PGLYRP3: variants seen among roughly 807,000 people sequenced by gnomAD.
The protein encoded by PGLYRP3 is peptidoglycan recognition protein I alpha.
PGLYRP3 carries 39 observed loss-of-function variants against 36.0 expected under a neutral mutation model. The observed-to-expected ratio is 1.08, with a 90% CI of 0.84 to 1.41. PGLYRP3 has a LOEUF of 1.41. Among genes scored for constraint, PGLYRP3 ranks in the 40% most tolerant of loss-of-function variants. The pLI is 0.00. For synonymous variants in PGLYRP3, 204 were observed against 172.8 expected (o/e 1.18, Z -1.42); for missense variants, 407 against 427.9 (o/e 0.95, Z 0.43).
At chr1:153,307,412 C>T (rs1318555316) in intron 2 of PGLYRP3, 145 bp from the exon 3 acceptor site, 2 of 721,136 alleles carry the variant, frequency 2.8e-6, no homozygotes, top group African/African-American at 3.5e-5. Context: ...ACCACCAAAG[C>T]CCCCTCCTTC....
chr1:153,311,237 G>A (rs763670559), intron 1 of PGLYRP3, among the ~76,000 whole-genome samples: 1 of 152,056 alleles, frequency 6.6e-6, no homozygotes, highest in African/African-American at 2.4e-5. Context: ...ACAGTTGTTC[G>A]ACTAACCTCT....
Position 153,303,949 on chromosome 1 carries a change from T to C in PGLYRP3, c.437A>G (p.Gln146Arg). The C allele has an allele frequency of 6.2e-7, 1 of 1,614,110 alleles. No homozygotes were observed. The highest frequency in any genetic ancestry group is 8.5e-7 in the Non-Finnish European group (1 of 1,179,978). The change falls in exon 5 of 8, where the codon CAG (glutamine) becomes CGG (arginine). Residue 146 changes from glutamine to arginine, a missense_variant. Coordinates refer to ENST00000683862, the MANE Select transcript of PGLYRP3 (RefSeq NM_052891.3). ...ATACCTGGGCGACAGGTGACCCTTC[T>C]GGATGGCATAGGAGATCAGACCCTC... ...AAEGLISYAI[Q>R]KGHLSPRYIQ... is the part of the protein sequence containing the mutation.
In PGLYRP3 at chr1:153,297,835, A is replaced by G; in HGVS notation, c.*121T>C. ...GGCAGGAAAGGACATGACCATTCAA[A>G]CCTGAGAAAGGATGGGCTGGCAGGG... On this transcript the variant is annotated 3_prime_UTR_variant, in exon 8 of 8. Coordinates refer to ENST00000683862, the MANE Select transcript of PGLYRP3 (RefSeq NM_052891.3). 3.4e-6 allele frequency: 4 copies of G among 1,176,946 alleles called. No homozygotes were observed. The highest frequency in any genetic ancestry group is 4.8e-6 in the Non-Finnish European group (4 of 826,168). The allele number at this position is 1,176,946 out of a possible 1,614,324, so 72.9% of individuals were successfully genotyped here.
At chr1:153,302,386 C>A (rs201356956) in intron 6 of PGLYRP3, 23 bp downstream of exon 6, 1,257 of 1,611,314 alleles carry the variant, frequency 7.8e-4, no homozygotes, top group Admixed American at 1.1e-3. Flanking sequence ...AAAGAGGGTT[C>A]TTTTGGCATT....
chr1:153,298,571 A>T (rs1320430883), intron 7 of PGLYRP3, among the ~76,000 whole-genome samples: 1 of 152,142 alleles, frequency 6.6e-6, no homozygotes, highest in Admixed American at 6.5e-5. Flanking sequence ...TGAACCCGGG[A>T]AGTGGAGCTT....
At chr1:153,306,330 A>G (rs929252869) in intron 3 of PGLYRP3, among the ~76,000 whole-genome samples, 2 of 152,070 alleles carry the variant, frequency 1.3e-5, no homozygotes, top group Non-Finnish European at 2.9e-5. Context: ...CTCCTTCTAC[A>G]TGTGTCTCCT....
chr1:153,304,225 G>C (rs900733925), intron 4 of PGLYRP3, among the ~76,000 whole-genome samples: 1 of 152,192 alleles, frequency 6.6e-6, no homozygotes, highest in African/African-American at 2.4e-5. Flanking sequence ...GCCAAGCTAA[G>C]ACTTTATCCA....
At position 153,305,025 on chromosome 1, in the gene PGLYRP3, C is replaced by T. The variant is rs999192660; in HGVS notation, c.298G>A (p.Gly100Ser). The stretch of plus-strand genomic sequence containing the variant: ...GTGTGCAAGCCTTGGATGTTCCAGC[C>T]AACACCTTCATACACCCTGCCATCA... ...GDDGRVYEGV[G>S]WNIQGLHTQG... Residue 100 changes from glycine (G) to serine (S), a missense_variant, in exon 4 of 8, where the codon GGC becomes AGC. Coordinates refer to ENST00000683862, the MANE Select transcript of PGLYRP3 (RefSeq NM_052891.3). The T allele has an allele frequency of 1.2e-6, 2 of 1,613,774 alleles. No individual in the cohort carries two copies. Among genetic ancestry groups the T allele is most frequent in the Non-Finnish European group, 1.7e-6 (2 of 1,179,844 alleles).
rs111260082 is a variant in PGLYRP3, at chr1:153,301,026, G to A, written c.728+1383C>T. 7.2e-5 allele frequency among the ~76,000 whole-genome samples: 11 copies of A among 152,250 alleles called. No homozygotes were observed. The South Asian group carries it at 1.7e-3, about 23-fold the overall frequency. On this transcript the variant is annotated intron_variant, in intron 6 of 7. Transcript: ENST00000683862. ...AACTACTAGGCTCAAGCGATCCTCC[G>A]TTTCAGCCTTCCAAGTAGTTGGGAC...
chr1:153,310,754 G>T, intron 1 of PGLYRP3, 48 bp from the exon 2 acceptor site: 2 of 1,187,990 alleles, frequency 1.7e-6, no homozygotes, highest in Non-Finnish European at 1.2e-6. Context: ...CTCTGCAAGT[G>T]GAGCACCCAC....
chr1:153,298,270 C>T lies in PGLYRP3; in HGVS notation c.848-136G>A, dbSNP rs561179238. 71 of 974,560 alleles carry T rather than the reference C, an allele frequency of 7.3e-5. No individual in the cohort carries two copies. The South Asian group carries it at 8.4e-4, about 12-fold the overall frequency. 60.4% of individuals were successfully genotyped at this position (974,560 alleles called of 1,614,324 possible). On this transcript the variant is annotated intron_variant, in intron 7 of 7. Coordinates refer to ENST00000683862, the MANE Select transcript of PGLYRP3 (RefSeq NM_052891.3). ...GCCATCACCATAGCCAACACATTTA[C>T]GTAAATTGTGGCAATCAGGCACAAA... is the stretch of plus-strand genomic sequence containing the variant.
chr1:153,302,319 G>A, intron 6 of PGLYRP3, 90 bp downstream of exon 6: 1 of 1,409,164 alleles, frequency 7.1e-7, no homozygotes. Flanking sequence ...GCCCAAAGGA[G>A]AGGCTCAGGA....
intron 4 of PGLYRP3, among the ~76,000 whole-genome samples, chr1:153,304,590 G>A (rs3014828): frequency 0.012 from 643 of 51,900 alleles, 4 homozygotes; most frequent in African/African-American, 0.051. Flanking sequence ...CTGCCTTCTG[G>A]TCACTTTCTA....
Position 153,307,130 on chromosome 1 carries a change from GGCT to G in PGLYRP3, c.190_192del (p.Ser64del). 6.2e-7 allele frequency: 1 copy of G among 1,613,252 alleles called. No individual in the cohort carries two copies. Among genetic ancestry groups the G allele is most frequent in the South Asian group, 1.1e-5 (1 of 90,800 alleles). On this transcript the variant is annotated inframe_deletion, in exon 3 of 8. Transcript: ENST00000683862. ...TGGGACTGCAACCCCCGCAGCATCTGGCTGCAAACGCTCTGCTGCTGGCACTGC... is the reference window on the plus strand; with the variant it reads ...TGGGACTGCAACCCCCGCAGCATCTGGCAAACGCTCTGCTGCTGGCACTGC...
chr1:153,302,222 C>T (rs966522875), intron 6 of PGLYRP3, among the ~76,000 whole-genome samples, 187 bp downstream of exon 6: 6 of 152,176 alleles, frequency 3.9e-5, no homozygotes, highest in Non-Finnish European at 5.9e-5. Flanking sequence ...TACGTCCAAG[C>T]GAGGTAACTG....
At chr1:153,311,419 T>A (rs1362089689) in intron 1 of PGLYRP3, among the ~76,000 whole-genome samples, 1 of 152,186 alleles carries the variant, frequency 6.6e-6, no homozygotes, top group Non-Finnish European at 1.5e-5. Flanking sequence ...TTGTCCTAAG[T>A]TTCCCAGATA....
intron 3 of PGLYRP3, among the ~76,000 whole-genome samples, chr1:153,306,026 G>A (rs1451372953): frequency 1.3e-5 from 2 of 152,200 alleles, no homozygotes; most frequent in Non-Finnish European, 2.9e-5. Context: ...GACCAAACCA[G>A]AAAACACAGC....
In PGLYRP3 at chr1:153,310,661, C is replaced by T; in HGVS notation, c.5G>A (p.Gly2Glu). Reference protein sequence around the residue: MGTLPWLLAFFI... With the variant: METLPWLLAFFI... ...GAAGGCAAGAAGCCATGGCAGCGTCCCCATGTGGTCCCAGGACTCTGACCG... is the reference window on the plus strand; with the variant it reads ...GAAGGCAAGAAGCCATGGCAGCGTCTCCATGTGGTCCCAGGACTCTGACCG... Residue 2 changes from glycine to glutamate, a missense_variant, in exon 2 of 8, where the codon GGG becomes GAG. Gly to Glu is a moderately conservative substitution (Grantham distance 98). Transcript: ENST00000683862. 2 of 1,614,028 alleles carry T rather than the reference C, an allele frequency of 1.2e-6. No homozygotes were observed. Among genetic ancestry groups the T allele is most frequent in the Non-Finnish European group, 1.7e-6 (2 of 1,179,956 alleles).
Position 153,303,906 on chromosome 1 carries a change from CAGA to C in PGLYRP3, c.477_479del (p.Leu160del), listed in dbSNP as rs562987055. ...GAGGGTCCAGGCAGGTCTCTTCTTT[CAGA>C]AGAAGTGGCTGAATATACCTGGGCG... On this transcript the variant is annotated inframe_deletion, in exon 5 of 8. Coordinates refer to ENST00000683862, the MANE Select transcript of PGLYRP3 (RefSeq NM_052891.3). 316 of 1,613,958 alleles carry C rather than the reference CAGA, an allele frequency of 2.0e-4. 2 individuals carry two copies. The African/African-American group carries it at 3.7e-3, about 19-fold the overall frequency.
Sources: allele counts gnomAD v4.1 joint callset (sites outside exome capture counted in the v4.1 genomes callset), GRCh38; gene constraint gnomAD v4.1.1; transcripts MANE v1.5; gene names NCBI Gene and HGNC (gene_info 2026-07-23, HGNC 2026-07-21).